The following PRDM16 variants were observed in gnomAD, a reference collection of about 807,000 sequenced individuals.
PRDM16 encodes the protein histone-lysine N-methyltransferase PRDM16.
PRDM16 carries 23 observed loss-of-function variants against 110.6 expected under a neutral mutation model. The observed-to-expected ratio is 0.21, with a 90% CI of 0.15 to 0.29. The LOEUF (loss-of-function observed/expected upper bound fraction) is 0.29. PRDM16 is among the 10% of genes least tolerant of loss of function. The probability of loss-of-function intolerance (pLI) is 1.00; values close to 1 mark genes in which losing one functional copy is unlikely to be tolerated. For synonymous variants in PRDM16, 799 were observed against 781.8 expected, an observed-to-expected ratio of 1.02 and a Z score of -0.37; for missense variants, 1,615 against 1,794.3, an observed-to-expected ratio of 0.90 and a Z score of 1.81.
intron 8 of PRDM16, among the ~76,000 whole-genome samples, chr1:3,411,160 G>A (rs1643679367): frequency 6.6e-6 from 1 of 152,126 alleles, no homozygotes; most frequent in Admixed American, 6.5e-5. Flanking sequence ...TACGCACACA[G>A]ACACACATGC....
chr1:3,422,684 G>A (rs531630899), intron 12 of PRDM16, among the ~76,000 whole-genome samples: 15 of 152,388 alleles, frequency 9.8e-5, no homozygotes, highest in Middle Eastern at 3.4e-3. Context: ...TGTGGGACAC[G>A]TCGGGTAGGG....
chr1:3,303,875 C>T (rs945635151), intron 3 of PRDM16, among the ~76,000 whole-genome samples: 9 of 101,668 alleles, frequency 8.9e-5, no homozygotes, highest in Non-Finnish European at 1.4e-4. Context: ...CCCTGGTGTG[C>T]ATGCTGGGGA....
chr1:3,328,380 G>A (rs1343443718), intron 3 of PRDM16, among the ~76,000 whole-genome samples: 1 of 152,206 alleles, frequency 6.6e-6, no homozygotes, highest in Non-Finnish European at 1.5e-5. Flanking sequence ...CTATCTCCTT[G>A]GTCGTGGGCC....
intron 8 of PRDM16, among the ~76,000 whole-genome samples, chr1:3,406,270 G>A (rs1569706140): frequency 6.6e-6 from 1 of 152,148 alleles, no homozygotes. Flanking sequence ...CTCACAGGGG[G>A]CCAGGCTGGC....
intron 2 of PRDM16, among the ~76,000 whole-genome samples, chr1:3,229,990 G>A (rs2651887): frequency 1.3e-5 from 2 of 151,934 alleles, no homozygotes; most frequent in Non-Finnish European, 2.9e-5. Flanking sequence ...CTGCCCTGGC[G>A]CCCGCGTTTA....
intron 3 of PRDM16, among the ~76,000 whole-genome samples, chr1:3,293,136 C>G (rs1434102647): frequency 2.0e-5 from 3 of 152,236 alleles, no homozygotes; most frequent in African/African-American, 7.2e-5. Context: ...TGGCACTTGG[C>G]CGGGGCTCAG....
rs117240237 is a variant in PRDM16 at position 3,148,682 on chromosome 1, C to T, written c.38-37443C>T. On this transcript the variant is annotated intron_variant, in intron 1 of 16. Coordinates refer to ENST00000270722, the MANE Select transcript of PRDM16 (RefSeq NM_022114.4). This position sits in a 1 kb window ranked among gnomAD's most constrained non-coding sequence, Gnocchi z 5.0. ...GAGCCAGCCCAGTCCTTCTGGAAGT[C>T]CAGTTTGTGTCAGAGCAGCGGCCCA... 2.4e-4 allele frequency among the ~76,000 whole-genome samples: 37 copies of T among 152,174 alleles called. No individual in the cohort carries two copies. In the East Asian group the frequency reaches 6.5e-3, roughly 27 times the overall value.
rs1257649925 is a variant in PRDM16, at chr1:3,425,134, G to A, written c.2940-447G>A. ...GCTCTGTCGCCCAGGCTGGAGTGCG[G>A]TGGCGTGATCTTGGCTCACTGCAAG... On this transcript the variant is annotated intron_variant, in intron 12 of 16. Coordinates refer to ENST00000270722, the MANE Select transcript of PRDM16 (RefSeq NM_022114.4). This position sits in a 1 kb window ranked among gnomAD's most constrained non-coding sequence, Gnocchi z 6.9. 1.3e-5 allele frequency: 2 copies of A among 153,172 alleles called. No homozygotes were observed. The highest frequency in any genetic ancestry group is 4.9e-5 in the African/African-American group (2 of 41,048). 9.5% of individuals were successfully genotyped at this position (153,172 alleles called of 1,614,324 possible). A position where few individuals can be genotyped will look rare whatever the true frequency, so the allele number is the denominator to read the frequency against.
chr1:3,207,349 T>C (rs1004479083), intron 2 of PRDM16: 6 of 152,216 alleles, frequency 3.9e-5, no homozygotes, highest in African/African-American at 7.2e-5. Context: ...CTTGGGAACA[T>C]TGGCATTTGT....
chr1:3,325,042 C>T (rs558348235), intron 3 of PRDM16, among the ~76,000 whole-genome samples: 36 of 152,174 alleles, frequency 2.4e-4, no homozygotes, highest in South Asian at 1.0e-3. Context: ...CTCTGAACTC[C>T]GCCAACCACC....
At chr1:3,311,948 C>G (rs931856738) in intron 3 of PRDM16, among the ~76,000 whole-genome samples, 3 of 152,202 alleles carry the variant, frequency 2.0e-5, no homozygotes, top group Non-Finnish European at 4.4e-5. Context: ...GGCCCCCGTC[C>G]AGAGTTCCAG....
chr1:3,093,943 C>T (rs964027037), intron 1 of PRDM16, among the ~76,000 whole-genome samples: 3 of 152,190 alleles, frequency 2.0e-5, no homozygotes, highest in African/African-American at 4.8e-5. Flanking sequence ...CCCTGAGCCC[C>T]GAGAATTTTT....
intron 16 of PRDM16, among the ~76,000 whole-genome samples, chr1:3,433,206 A>C (rs1638815067): frequency 6.6e-6 from 1 of 152,244 alleles, no homozygotes; most frequent in Non-Finnish European, 1.5e-5. Context: ...GAGGCCCTGC[A>C]CCAGCACCCC....
chr1:3,433,806 C>A lies in PRDM16; in HGVS notation c.3826C>A (p.Leu1276Ile). ...ESGAFHPINH[L>I] Reference sequence around the variant, plus strand: ...TGGAGCATTTCACCCCATCAACCACCTCTGACGGGCTGGGCAGCCGGGGGC... The same window carrying A: ...TGGAGCATTTCACCCCATCAACCACATCTGACGGGCTGGGCAGCCGGGGGC... Residue 1276 changes from leucine to isoleucine, a missense_variant, in exon 17 of 17, where the codon CTC becomes ATC. Leu to Ile is a conservative substitution (Grantham distance 5). Transcript: ENST00000270722. 1.2e-6 allele frequency: 2 copies of A among 1,613,016 alleles called. No homozygotes were observed. The highest frequency in any genetic ancestry group is 2.2e-5 in the South Asian group (2 of 91,080).
chr1:3,209,592 C>T lies in PRDM16; in HGVS notation c.387+23118C>T, dbSNP rs1453378265. On this transcript the variant is annotated intron_variant, in intron 2 of 16. Coordinates refer to ENST00000270722, the MANE Select transcript of PRDM16 (RefSeq NM_022114.4). This position sits in a 1 kb window ranked among gnomAD's most constrained non-coding sequence, Gnocchi z 4.6. ...TGTGGGTGCGCGTGGAAGCTGAGCG[C>T]CTCAGTGGAATGTCCTGGAACCTCA... Among the ~76,000 whole-genome samples the T allele has an allele frequency of 6.6e-6, 1 of 152,204 alleles. No individual in the cohort carries two copies. The highest frequency in any genetic ancestry group is 2.4e-5 in the African/African-American group (1 of 41,442).
intron 1 of PRDM16, among the ~76,000 whole-genome samples, chr1:3,086,746 GGC>G (rs1396518361): frequency 6.6e-6 from 1 of 152,180 alleles, no homozygotes; most frequent in Non-Finnish European, 1.5e-5. Flanking sequence ...AGTGGTTCTT[GGC>G]GTCGTCTGCC....
Position 3,411,946 on chromosome 1 carries a change from G to A in PRDM16, c.1749G>A (p.Leu583=). The A allele has an allele frequency of 1.2e-6, 2 of 1,613,758 alleles. No individual in the cohort carries two copies. Among genetic ancestry groups the A allele is most frequent in the Non-Finnish European group, 1.7e-6 (2 of 1,179,982 alleles). The change falls in exon 9 of 17, where the codon CTG becomes CTA. Residue 583 remains leucine, a synonymous_variant. Coordinates refer to ENST00000270722, the MANE Select transcript of PRDM16 (RefSeq NM_022114.4). ...AGPEEKFESR[L]EDSCVEKLKT... is the part of the protein sequence containing the mutation. The stretch of plus-strand genomic sequence containing the variant: ...CCGAGGAGAAGTTCGAGAGCCGCCT[G>A]GAGGACTCCTGTGTGGAGAAGCTGA...
intron 3 of PRDM16, among the ~76,000 whole-genome samples, chr1:3,338,503 C>T (rs1642206844): frequency 6.6e-6 from 1 of 152,220 alleles, no homozygotes; most frequent in African/African-American, 2.4e-5. Context: ...TCAGAGGCTC[C>T]TTTCCAAGTG....
At chr1:3,317,720 G>A (rs376998507) in intron 3 of PRDM16, among the ~76,000 whole-genome samples, 35 of 152,332 alleles carry the variant, frequency 2.3e-4, no homozygotes, top group Admixed American at 9.8e-4. Context: ...CCCGGAGCCT[G>A]CCCATGAGTG....
Sources: allele counts gnomAD v4.1 joint callset (sites outside exome capture counted in the v4.1 genomes callset), GRCh38; gene constraint gnomAD v4.1.1; non-coding constraint Gnocchi (gnomAD v3.1); transcripts MANE v1.5; gene names NCBI Gene and HGNC (gene_info 2026-07-23, HGNC 2026-07-21).